Variants in CSMD1 observed in about 807,000 individuals in gnomAD.
The protein encoded by CSMD1 is CUB and sushi domain-containing protein 1.
CSMD1 carries 213 observed loss-of-function variants against 417.5 expected under a neutral mutation model. That is an observed-to-expected ratio of 0.51 (90% CI 0.46 to 0.57). CSMD1 has a LOEUF of 0.57. CSMD1 is among the 20% of genes least tolerant of loss of function. The pLI is 0.00. For missense variants in CSMD1, 6,923 were observed against 4,529.7 expected (o/e 1.53, Z -15.17); for synonymous variants, 2,862 against 1,736.8 (o/e 1.65, Z -16.11).
intron 1 of CSMD1, among the ~76,000 whole-genome samples, chr8:4,730,614 G>T (rs1043637299): frequency 2.6e-5 from 4 of 151,948 alleles, no homozygotes; most frequent in East Asian, 1.9e-4. Flanking sequence ...GGTGGCGGGC[G>T]CCTGTAGTCC....
intron 9 of CSMD1, among the ~76,000 whole-genome samples, chr8:3,576,152 C>A (rs899159177): frequency 3.3e-5 from 5 of 152,132 alleles, no homozygotes; most frequent in Middle Eastern, 3.4e-3. Context: ...AAACTCAGCA[C>A]AACAGGACTT....
At chr8:3,278,117 A>G (rs141388389) in intron 26 of CSMD1, among the ~76,000 whole-genome samples, 147 of 152,288 alleles carry the variant, frequency 9.7e-4, no homozygotes, top group African/African-American at 3.3e-3. Flanking sequence ...CAAAGAGCCA[A>G]TGATAGAGTG....
At chr8:4,024,805 CT>C (rs1259295638) in intron 4 of CSMD1, among the ~76,000 whole-genome samples, 9 of 152,192 alleles carry the variant, frequency 5.9e-5, no homozygotes, top group Non-Finnish European at 1.3e-4. Flanking sequence ...TGACTGGGAA[CT>C]TCCTGAGTAT....
intron 3 of CSMD1, among the ~76,000 whole-genome samples, chr8:4,117,762 A>T (rs1051964210): frequency 6.6e-6 from 1 of 152,142 alleles, no homozygotes; most frequent in African/African-American, 2.4e-5. Context: ...GATATTCAGA[A>T]ACACACCAGG....
rs200708292 is a variant in CSMD1 at position 4,844,333 on chromosome 8, G to GT, written c.85+149998dup. ...GATAGTGCCGTTATTGATACATTTT[G>GT]TTTTTTTTGCAGAAAAGATCACTGG... On this transcript the variant is annotated intron_variant, in intron 1 of 69. Transcript: ENST00000635120. 2.5e-3 allele frequency among the ~76,000 whole-genome samples: 386 copies of GT among 151,692 alleles called. 9 individuals are homozygous for GT. In the South Asian group the frequency reaches 0.035, roughly 14 times the overall value.
At chr8:2,967,753 C>T (rs1280235229) in intron 57 of CSMD1, among the ~76,000 whole-genome samples, 1 of 152,080 alleles carries the variant, frequency 6.6e-6, no homozygotes, top group Non-Finnish European at 1.5e-5. Context: ...GCCTGGAGAA[C>T]AAAGATATAT....
chr8:3,624,995 A>G (rs955273957), intron 7 of CSMD1, among the ~76,000 whole-genome samples: 9 of 152,124 alleles, frequency 5.9e-5, no homozygotes, highest in African/African-American at 9.7e-5. Flanking sequence ...TGCCATGGTA[A>G]TCATTTCTTT....
At chr8:4,301,882 G>C (rs1052894072) in intron 3 of CSMD1, among the ~76,000 whole-genome samples, 1 of 151,856 alleles carries the variant, frequency 6.6e-6, no homozygotes, top group Non-Finnish European at 1.5e-5. Context: ...CCATAAATTT[G>C]TTGTTCTCAC....
chr8:3,447,062 C>T (rs1346512065), intron 12 of CSMD1, among the ~76,000 whole-genome samples: 10 of 152,114 alleles, frequency 6.6e-5, no homozygotes, highest in Non-Finnish European at 4.4e-5. Flanking sequence ...AATTAAAACA[C>T]AGCGTAACAT....
chr8:4,032,459 A>C (rs1797397994), intron 3 of CSMD1, among the ~76,000 whole-genome samples: 1 of 152,238 alleles, frequency 6.6e-6, no homozygotes. Context: ...AACCAGACAC[A>C]GTAGACTATA....
intron 23 of CSMD1, among the ~76,000 whole-genome samples, chr8:3,338,140 T>C (rs1362523480): frequency 6.6e-6 from 1 of 152,194 alleles, no homozygotes; most frequent in Non-Finnish European, 1.5e-5. Flanking sequence ...GTCATCCCTC[T>C]GAGGTGCTAA....
intron 1 of CSMD1, among the ~76,000 whole-genome samples, chr8:4,850,380 A>ATATTTTT (rs1403352847): frequency 1.4e-4 from 12 of 82,768 alleles, no homozygotes; most frequent in East Asian, 1.1e-3. Flanking sequence ...AATCCAATTT[A>ATATTTTT]TCTTTTTTTT....
chr8:3,488,551 A>G (rs905376105), intron 11 of CSMD1, among the ~76,000 whole-genome samples: 1 of 152,232 alleles, frequency 6.6e-6, no homozygotes, highest in Non-Finnish European at 1.5e-5. Flanking sequence ...ATGTAGATTC[A>G]TACTGCTAAT....
chr8:3,242,182 C>A (rs984833408), intron 26 of CSMD1, among the ~76,000 whole-genome samples: 14 of 151,890 alleles, frequency 9.2e-5, no homozygotes, highest in Non-Finnish European at 1.5e-5. Flanking sequence ...AGGGCTAGTC[C>A]CAGAATGAAA....
At chr8:3,740,422 T>A (rs80236958) in intron 6 of CSMD1, among the ~76,000 whole-genome samples, 1,628 of 152,280 alleles carry the variant, frequency 0.011, 34 homozygotes, top group African/African-American at 0.037. Context: ...AAGAGCCAAA[T>A]GCCTGGTACA....
At chr8:4,432,993 G>A (rs1023153171) in intron 2 of CSMD1, among the ~76,000 whole-genome samples, 1 of 152,214 alleles carries the variant, frequency 6.6e-6, no homozygotes, top group East Asian at 1.9e-4. Flanking sequence ...ATCAGTGGGA[G>A]CATTACATTC....
chr8:4,442,051 C>T (rs1238065078), intron 2 of CSMD1, among the ~76,000 whole-genome samples: 3 of 152,076 alleles, frequency 2.0e-5, no homozygotes, highest in Non-Finnish European at 4.4e-5. Context: ...TCTGGAAACC[C>T]ATTTTGTTTC....
chr8:4,551,078 G>C (rs1245893499), intron 2 of CSMD1, among the ~76,000 whole-genome samples: 3 of 152,128 alleles, frequency 2.0e-5, no homozygotes, highest in African/African-American at 4.8e-5. Flanking sequence ...TCACTATTTT[G>C]AATGTTTTAA....
chr8:3,787,903 G>C (rs185014627), intron 5 of CSMD1, among the ~76,000 whole-genome samples: 23 of 152,180 alleles, frequency 1.5e-4, no homozygotes, highest in Non-Finnish European at 7.3e-5. Flanking sequence ...TATTTTGCCA[G>C]ATTAAATCTC....
Sources: gnomAD v4.1 joint callset for allele counts (sites outside exome capture counted in the v4.1 genomes callset) on GRCh38, gnomAD v4.1.1 for gene constraint, MANE v1.5 for transcripts, NCBI Gene and HGNC (gene_info 2026-07-23, HGNC 2026-07-21) for gene names.